Variants in RANBP2 observed in about 807,000 individuals in gnomAD.
RANBP2 encodes E3 SUMO-protein ligase RanBP2.
In RANBP2, 57 loss-of-function variants were observed where a neutral mutation model predicts 303.6. The observed-to-expected ratio is 0.19, with a 90% confidence interval of 0.15 to 0.23. The LOEUF (loss-of-function observed/expected upper bound fraction) is 0.23, where lower values mean the gene tolerates loss of function less well. Ranked by LOEUF, RANBP2 falls within the 10% of genes least tolerant of loss-of-function variation. The probability of loss-of-function intolerance (pLI) is 1.00; values close to 1 mark genes in which losing one functional copy is unlikely to be tolerated. For synonymous variants in RANBP2, 1,167 were observed against 1,301.5 expected (o/e 0.90, Z 2.23); for missense variants, 3,138 against 3,780.8 (o/e 0.83, Z 4.46).
At chr2:109,204,259 C>A in the RANBP2 span, among the ~76,000 whole-genome samples, 1 of 152,156 alleles carries the variant, frequency 6.6e-6, no homozygotes, top group South Asian at 2.1e-4. Flanking sequence ...TTTGCTTATG[C>A]CCTGTTGCTT....
At chr2:109,428,819 C>T in the RANBP2 span, among the ~76,000 whole-genome samples, 1 of 152,110 alleles carries the variant, frequency 6.6e-6, no homozygotes, top group African/African-American at 2.4e-5. Context: ...TGTTGAGCTG[C>T]CAAGGTGTTT....
chr2:109,562,894 G>A, the RANBP2 span, among the ~76,000 whole-genome samples: 1 of 151,752 alleles, frequency 6.6e-6, no homozygotes, highest in Non-Finnish European at 1.5e-5. Context: ...GTGAGGGTGG[G>A]TTAAGTACAC....
At chr2:109,314,848 A>G in the RANBP2 span, among the ~76,000 whole-genome samples, 1 of 152,214 alleles carries the variant, frequency 6.6e-6, no homozygotes, top group African/African-American at 2.4e-5. Flanking sequence ...CAGACCACCA[A>G]AATATTAGAG....
the RANBP2 span, among the ~76,000 whole-genome samples, chr2:108,951,243 C>T: frequency 1.3e-3 from 203 of 152,312 alleles, no homozygotes; most frequent in African/African-American, 4.5e-3. Context: ...GTCTCAATAT[C>T]GGTCTTCTGC....
the RANBP2 span, chr2:109,564,676 T>C: frequency 2.9e-6 from 2 of 681,514 alleles, no homozygotes; most frequent in Non-Finnish European, 2.2e-6. Context: ...GCTACGATTA[T>C]TTTATACATG....
chr2:109,449,054 G>C, the RANBP2 span: 1 of 1,259,984 alleles, frequency 7.9e-7, no homozygotes, highest in Non-Finnish European at 1.1e-6. Context: ...AGAAACTTCA[G>C]AGAGAGGCTG....
At chr2:108,906,163 T>A in the RANBP2 span, 1 of 784,740 alleles carries the variant, frequency 1.3e-6, no homozygotes, top group South Asian at 1.5e-5. Context: ...CCTGAAATAG[T>A]TTCCAGCGGC....
the RANBP2 span, among the ~76,000 whole-genome samples, chr2:109,162,333 C>T: frequency 3.9e-5 from 6 of 152,208 alleles, no homozygotes; most frequent in Non-Finnish European, 7.3e-5. Flanking sequence ...TGCTCTGACA[C>T]GTAAGCCCTC....
chr2:109,582,883 A>T, the RANBP2 span, among the ~76,000 whole-genome samples: 1 of 152,232 alleles, frequency 6.6e-6, no homozygotes, highest in African/African-American at 2.4e-5. Flanking sequence ...GCACACCTAC[A>T]GGCATCTGAT....
chr2:109,486,914 C>G, the RANBP2 span, among the ~76,000 whole-genome samples: 1 of 152,208 alleles, frequency 6.6e-6, no homozygotes, highest in African/African-American at 2.4e-5. Context: ...CGTTTTGTTC[C>G]TAACAGATCC....
chr2:109,210,921 G>A, the RANBP2 span, among the ~76,000 whole-genome samples: 1 of 152,340 alleles, frequency 6.6e-6, no homozygotes, highest in Admixed American at 6.5e-5. Context: ...TGGTGGAATT[G>A]CTGCTGTCCT....
chr2:108,930,985 C>T, the RANBP2 span: 20 of 1,613,822 alleles, frequency 1.2e-5, no homozygotes, highest in Admixed American at 8.3e-5. Flanking sequence ...GGAGCCAGGG[C>T]GTCTGCGTGC....
the RANBP2 span, among the ~76,000 whole-genome samples, chr2:108,825,044 A>G: frequency 8.0e-3 from 1,222 of 152,358 alleles, 23 homozygotes; most frequent in African/African-American, 0.027. Flanking sequence ...AATTACCTGT[A>G]AAGTATTCCT....
the RANBP2 span, among the ~76,000 whole-genome samples, chr2:109,213,225 G>A: frequency 6.6e-6 from 1 of 152,134 alleles, no homozygotes; most frequent in Non-Finnish European, 1.5e-5. Context: ...TGGTCCCAGG[G>A]CTGCTTCTGA....
the RANBP2 span, among the ~76,000 whole-genome samples, chr2:108,963,439 T>C: frequency 1.3e-5 from 2 of 152,144 alleles, no homozygotes; most frequent in African/African-American, 2.4e-5. Flanking sequence ...AAATTGAGCT[T>C]TCTATTTGAA....
At chr2:109,434,492 G>T in the RANBP2 span, among the ~76,000 whole-genome samples, 1 of 152,228 alleles carries the variant, frequency 6.6e-6, no homozygotes, top group South Asian at 2.1e-4. Flanking sequence ...AACTCCTGAC[G>T]TGTGTCAGTC....
the RANBP2 span, among the ~76,000 whole-genome samples, chr2:109,669,801 G>T: frequency 6.6e-6 from 1 of 152,090 alleles, no homozygotes; most frequent in Non-Finnish European, 1.5e-5. Context: ...AACCTTGATA[G>T]TGCACCCAAC....
At chr2:109,449,360 A>C in the RANBP2 span, 1 of 1,609,122 alleles carries the variant, frequency 6.2e-7, no homozygotes, top group South Asian at 1.1e-5. Context: ...CAGCAGCATC[A>C]GCCATCACAC....
chr2:109,138,136 C>T, the RANBP2 span, among the ~76,000 whole-genome samples: 2 of 152,218 alleles, frequency 1.3e-5, no homozygotes, highest in Non-Finnish European at 1.5e-5. Flanking sequence ...CTGCCTCAGC[C>T]TCCCAAGTGG....
Sources: gnomAD v4.1 joint callset for allele counts (sites outside exome capture counted in the v4.1 genomes callset) on GRCh38, gnomAD v4.1.1 for gene constraint, MANE v1.5 for transcripts, NCBI Gene and HGNC (gene_info 2026-07-23, HGNC 2026-07-21) for gene names.